Variants in SLC22A15 observed in about 807,000 individuals in gnomAD.
SLC22A15 encodes solute carrier family 22 member 15, also known as flipt 1.
SLC22A15 carries 45 observed loss-of-function variants against 62.7 expected under a neutral mutation model. That is an observed-to-expected ratio of 0.72 (90% CI 0.56 to 0.92). The LOEUF is 0.92. Among genes scored for constraint, SLC22A15 ranks in the 40% least tolerant of loss-of-function variants. The pLI, the probability that SLC22A15 is intolerant of heterozygous loss-of-function variation, is 0.00. For missense variants in SLC22A15, 622 were observed against 665.6 expected, an observed-to-expected ratio of 0.93 and a Z score of 0.72; for synonymous variants, 264 against 267.0, an observed-to-expected ratio of 0.99 and a Z score of 0.11.
In SLC22A15 at chr1:116,068,475, T is replaced by C. The variant is rs772568274; in HGVS notation, c.*1367T>C. On this transcript the variant is annotated 3_prime_UTR_variant, in exon 12 of 12. Coordinates refer to ENST00000369503, the MANE Select transcript of SLC22A15 (RefSeq NM_018420.3). ...CCAATTGGCTCCAAATACTGTCATGTTTTCTTGCACACTGACTTCTGGTTT... is the reference window on the plus strand; with the variant it reads ...CCAATTGGCTCCAAATACTGTCATGCTTTCTTGCACACTGACTTCTGGTTT... The C allele has an allele frequency of 1.3e-5, 2 of 152,370 alleles. 1 individual carries two copies. The highest frequency in any genetic ancestry group is 4.1e-4 in the South Asian group (2 of 4,830). The allele number at this position is 152,370 out of a possible 1,614,324, so 9.4% of individuals were successfully genotyped here.
Position 116,031,183 on chromosome 1 carries a change from C to G in SLC22A15, c.729-183C>G, listed in dbSNP as rs192477295. Among the ~76,000 whole-genome samples the G allele has an allele frequency of 1.1e-4, 16 of 152,208 alleles. No individual in the cohort carries two copies. The East Asian group carries it at 3.1e-3, about 29-fold the overall frequency. ...TGGTTTTCAGTGATAAAGTAGACTA[C>G]CATTTAATGTTAGCATGCTGTTGAA... On this transcript the variant is annotated intron_variant, in intron 5 of 11. Transcript: ENST00000369503.
intron 8 of SLC22A15, among the ~76,000 whole-genome samples, chr1:116,053,813 A>C (rs928815949): frequency 2.6e-5 from 4 of 152,024 alleles, no homozygotes; most frequent in African/African-American, 9.7e-5. Context: ...TAAGCTTCAT[A>C]AGTGAAGGAG....
intron 2 of SLC22A15, among the ~76,000 whole-genome samples, chr1:116,003,760 CCT>C (rs1655847753): frequency 6.6e-6 from 1 of 152,132 alleles, no homozygotes; most frequent in Non-Finnish European, 1.5e-5. Flanking sequence ...GTGCCTCTTT[CCT>C]TGATGTGATG....
intron 7 of SLC22A15, among the ~76,000 whole-genome samples, chr1:116,036,114 G>A (rs1478156644): frequency 1.3e-5 from 2 of 152,124 alleles, no homozygotes; most frequent in Non-Finnish European, 2.9e-5. Context: ...GTCTCCCAGG[G>A]AGTGTTCCCA....
chr1:116,067,293 A>ATCTG lies in SLC22A15; in HGVS notation c.*185_*186insTCTG, dbSNP rs1658523026. ...TGGAGAAGAGATTTCATGAAAGACAACATCACTGCATTGAGAGAATAGTTG... is the reference window on the plus strand; with the variant it reads ...TGGAGAAGAGATTTCATGAAAGACAATCTGCATCACTGCATTGAGAGAATAGTTG... On this transcript the variant is annotated 3_prime_UTR_variant, in exon 12 of 12. Coordinates refer to ENST00000369503, the MANE Select transcript of SLC22A15 (RefSeq NM_018420.3). 1 of 583,574 alleles carries ATCTG rather than the reference A, an allele frequency of 1.7e-6. No homozygotes were observed. Among genetic ancestry groups the ATCTG allele is most frequent in the Admixed American group, 3.0e-5 (1 of 33,312 alleles). 36.1% of individuals were successfully genotyped at this position (583,574 alleles called of 1,614,324 possible).
intron 1 of SLC22A15, among the ~76,000 whole-genome samples, chr1:115,982,610 A>C (rs1275509870): frequency 1.3e-5 from 2 of 152,134 alleles, no homozygotes; most frequent in East Asian, 3.9e-4. Context: ...AAGTTCACAA[A>C]CCCACGCAGC....
rs1286433306 is a variant in SLC22A15, at chr1:116,062,964, T to G, written c.1292+82T>G. 2.0e-6 allele frequency: 3 copies of G among 1,532,900 alleles called. No homozygotes were observed. The East Asian group carries it at 6.9e-5, about 35-fold the overall frequency. 95.0% of individuals were successfully genotyped at this position (1,532,900 alleles called of 1,614,324 possible). On this transcript the variant is annotated intron_variant, in intron 9 of 11. Transcript: ENST00000369503. Reference sequence around the variant, plus strand: ...TGCACCAACAGAGGTGTGGTACTCATTTCATCTGCTTCTGGAGTTAGTTTG... The same window carrying G: ...TGCACCAACAGAGGTGTGGTACTCAGTTCATCTGCTTCTGGAGTTAGTTTG...
chr1:115,985,758 C>T (rs552988002), intron 1 of SLC22A15, among the ~76,000 whole-genome samples: 15 of 151,694 alleles, frequency 9.9e-5, no homozygotes, highest in Admixed American at 3.9e-4. Context: ...ACCAGCCTGG[C>T]CAAGATGGTG....
chr1:115,992,694 T>C (rs1252615712), intron 2 of SLC22A15, among the ~76,000 whole-genome samples: 1 of 150,612 alleles, frequency 6.6e-6, no homozygotes, highest in Non-Finnish European at 1.5e-5. Flanking sequence ...CAATCTCGGC[T>C]CACTGCAACC....
Position 116,065,011 on chromosome 1 carries a change from AT to A in SLC22A15, c.1365+513del, listed in dbSNP as rs879569768. On this transcript the variant is annotated intron_variant, in intron 10 of 11. Coordinates refer to ENST00000369503, the MANE Select transcript of SLC22A15 (RefSeq NM_018420.3). ...TATGTCTCTCACTGTGTCTGTTAAT[AT>A]TTTTTTTTTGAAACTTTCTAACTTG... 5.9e-3 allele frequency among the ~76,000 whole-genome samples: 887 copies of A among 150,424 alleles called. 7 individuals carry two copies. The highest frequency in any genetic ancestry group is 0.018 in the African/African-American group (750 of 41,084).
rs1393545439 is a variant in SLC22A15 at position 116,068,697 on chromosome 1, C to T, written c.*1589C>T. 6.6e-6 allele frequency: 1 copy of T among 152,060 alleles called. No individual in the cohort carries two copies. The highest frequency in any genetic ancestry group is 2.4e-5 in the African/African-American group (1 of 41,398). The allele number at this position is 152,060 out of a possible 1,614,324, so 9.4% of individuals were successfully genotyped here. A position where few individuals can be genotyped will look rare whatever the true frequency, so the allele number is the denominator to read the frequency against. ...TAGCCATCAGGGAGATTGTGGAACT[C>T]CTCCCAGTATAATTTTTACAAACTC... On this transcript the variant is annotated 3_prime_UTR_variant, in exon 12 of 12. Transcript: ENST00000369503.
intron 8 of SLC22A15, among the ~76,000 whole-genome samples, chr1:116,052,162 G>C (rs973530881): frequency 6.6e-6 from 1 of 152,240 alleles, no homozygotes; most frequent in Admixed American, 6.5e-5. Context: ...AAGGAAAGGG[G>C]TGACAGATGG....
rs762997788 is a variant in SLC22A15 at position 115,976,732 on chromosome 1, C to T, written c.87+18C>T. The T allele has an allele frequency of 6.4e-7, 1 of 1,568,340 alleles. No individual in the cohort carries two copies. Among genetic ancestry groups the T allele is most frequent in the Non-Finnish European group, 8.6e-7 (1 of 1,157,808 alleles). ...TGCTGCAGGTAAGTCCCCGCGGCCC[C>T]GCAGCCGCATTTCCCTCTTCAGGGC... On this transcript the variant is annotated intron_variant, in intron 1 of 11. Coordinates refer to ENST00000369503, the MANE Select transcript of SLC22A15 (RefSeq NM_018420.3).
chr1:116,006,657 C>A (rs1655999158), intron 2 of SLC22A15, among the ~76,000 whole-genome samples: 1 of 151,386 alleles, frequency 6.6e-6, no homozygotes, highest in Non-Finnish European at 1.5e-5. Context: ...TGTGTCCCCT[C>A]CCTCCCTCCT....
At chr1:116,053,740 G>A (rs1183199363) in intron 8 of SLC22A15, among the ~76,000 whole-genome samples, 2 of 152,012 alleles carry the variant, frequency 1.3e-5, no homozygotes, top group African/African-American at 4.8e-5. Context: ...AGAGAGTGGG[G>A]GCGAATATTC....
At chr1:116,044,670 A>G (rs1368220553) in intron 8 of SLC22A15, among the ~76,000 whole-genome samples, 1 of 152,244 alleles carries the variant, frequency 6.6e-6, no homozygotes, top group East Asian at 1.9e-4. Flanking sequence ...AGAAATCTGT[A>G]AGAATTAATA....
intron 2 of SLC22A15, among the ~76,000 whole-genome samples, chr1:116,005,091 T>A (rs929809858): frequency 2.0e-5 from 3 of 152,342 alleles, no homozygotes; most frequent in Middle Eastern, 3.4e-3. Context: ...ATTATAGAGA[T>A]TTGTCAATAT....
At chr1:116,054,698 C>A (rs1237364509) in intron 8 of SLC22A15, among the ~76,000 whole-genome samples, 1 of 152,080 alleles carries the variant, frequency 6.6e-6, no homozygotes, top group African/African-American at 2.4e-5. Context: ...GAAATTATAA[C>A]AAACTGCCTC....
chr1:116,044,326 G>A (rs541269061), intron 8 of SLC22A15, among the ~76,000 whole-genome samples: 18 of 152,320 alleles, frequency 1.2e-4, no homozygotes, highest in East Asian at 3.9e-4. Flanking sequence ...GTGGCCAGGT[G>A]CTTTGGCTTA....
Sources: allele counts gnomAD v4.1 joint callset (sites outside exome capture counted in the v4.1 genomes callset), GRCh38; gene constraint gnomAD v4.1.1; transcripts MANE v1.5; gene names NCBI Gene and HGNC (gene_info 2026-07-23, HGNC 2026-07-21).